The following ATXN7L1 variants were observed in gnomAD, a reference collection of about 807,000 sequenced individuals.
The protein encoded by ATXN7L1 is ataxin 7 like 1, also known as ataxin-7-like protein 1.
In ATXN7L1, 15 loss-of-function variants were observed where a neutral mutation model predicts 70.8. That is an observed-to-expected ratio of 0.21 (90% confidence interval 0.14 to 0.33). ATXN7L1 has a LOEUF of 0.33. Ranked by LOEUF, ATXN7L1 falls within the 10% of genes least tolerant of loss-of-function variation. The probability of loss-of-function intolerance (pLI) is 1.00; values close to 1 mark genes in which losing one functional copy is unlikely to be tolerated. For missense variants in ATXN7L1, 975 were observed against 1,097.1 expected (o/e 0.89, Z 1.57); for synonymous variants, 440 against 445.1 (o/e 0.99, Z 0.14).
chr7:105,746,293 C>T (rs1798582281), intron 3 of ATXN7L1, among the ~76,000 whole-genome samples: 1 of 152,206 alleles, frequency 6.6e-6, no homozygotes, highest in Non-Finnish European at 1.5e-5. Flanking sequence ...CTCTCTGGCT[C>T]AGAACCATCC....
chr7:105,735,632 G>A (rs35347266), intron 3 of ATXN7L1, among the ~76,000 whole-genome samples: 8,789 of 152,180 alleles, frequency 0.058, 305 homozygotes, highest in Admixed American at 0.068. Context: ...TTAATATCCC[G>A]TTAATCCTGT....
intron 2 of ATXN7L1, among the ~76,000 whole-genome samples, chr7:105,833,813 A>G (rs1472181702): frequency 6.6e-6 from 1 of 152,214 alleles, no homozygotes; most frequent in Admixed American, 6.5e-5. Flanking sequence ...TGGATGAAGA[A>G]GAGGGGGTAT....
At chr7:105,706,244 A>G (rs1209435667) in intron 3 of ATXN7L1, among the ~76,000 whole-genome samples, 3 of 150,522 alleles carry the variant, frequency 2.0e-5, no homozygotes, top group Non-Finnish European at 3.0e-5. Context: ...CCCAGGCTGG[A>G]GTGCAGTGGC....
intron 2 of ATXN7L1, among the ~76,000 whole-genome samples, chr7:105,821,809 G>A (rs1810206197): frequency 2.0e-5 from 3 of 152,258 alleles, no homozygotes. Flanking sequence ...GCGCAGTACA[G>A]TTAACTGTGA....
At chr7:105,755,089 TCTTC>T (rs1267775593) in intron 3 of ATXN7L1, among the ~76,000 whole-genome samples, 1 of 152,206 alleles carries the variant, frequency 6.6e-6, no homozygotes, top group Non-Finnish European at 1.5e-5. Context: ...CTTTTTTGGG[TCTTC>T]CTTCCTGTGC....
intron 3 of ATXN7L1, among the ~76,000 whole-genome samples, chr7:105,721,198 C>G (rs1184063330): frequency 6.6e-6 from 1 of 152,124 alleles, no homozygotes; most frequent in African/African-American, 2.4e-5. Context: ...TCAGCTGGCA[C>G]AGGAGAGAGG....
intron 7 of ATXN7L1, among the ~76,000 whole-genome samples, chr7:105,635,699 G>A (rs2115880948): frequency 6.6e-6 from 1 of 152,244 alleles, no homozygotes; most frequent in South Asian, 2.1e-4. Flanking sequence ...ACAAGAATGG[G>A]TTGCAATGTA....
intron 10 of ATXN7L1, among the ~76,000 whole-genome samples, chr7:105,612,025 C>T (rs1793202511): frequency 1.3e-5 from 2 of 152,210 alleles, no homozygotes; most frequent in Admixed American, 6.5e-5. Context: ...GAGTACTTGG[C>T]TGCTCCTTTC....
At chr7:105,771,177 G>A (rs900855510) in intron 3 of ATXN7L1, among the ~76,000 whole-genome samples, 1 of 148,502 alleles carries the variant, frequency 6.7e-6, no homozygotes, top group African/African-American at 2.5e-5. Context: ...TCCAGCCTGG[G>A]CGACAGAGCA....
At chr7:105,847,295 G>C (rs188806028) in intron 2 of ATXN7L1, among the ~76,000 whole-genome samples, 1 of 152,136 alleles carries the variant, frequency 6.6e-6, no homozygotes, top group African/African-American at 2.4e-5. Flanking sequence ...TTGGCCACTA[G>C]ATTAAGGACT....
At chr7:105,648,977 T>C (rs975065907) in intron 4 of ATXN7L1, among the ~76,000 whole-genome samples, 1 of 143,982 alleles carries the variant, frequency 6.9e-6, no homozygotes, top group Non-Finnish European at 1.5e-5. Flanking sequence ...AATAGCCTGA[T>C]GGGTGACTCA....
intron 8 of ATXN7L1, among the ~76,000 whole-genome samples, chr7:105,623,571 GCT>G (rs1795241657): frequency 6.6e-6 from 1 of 152,130 alleles, no homozygotes; most frequent in Admixed American, 6.5e-5. Flanking sequence ...ACACACACAC[GCT>G]CAGTTCTGGT....
At chr7:105,721,911 A>G (rs1170153259) in intron 3 of ATXN7L1, among the ~76,000 whole-genome samples, 5 of 152,238 alleles carry the variant, frequency 3.3e-5, no homozygotes, top group Non-Finnish European at 4.4e-5. Context: ...TTGAAATACA[A>G]TGGGGTCTTC....
chr7:105,705,016 T>G (rs925459378), intron 3 of ATXN7L1, among the ~76,000 whole-genome samples: 3 of 151,570 alleles, frequency 2.0e-5, no homozygotes, highest in Non-Finnish European at 4.4e-5. Context: ...ATTTTTTATT[T>G]TATTTATTTA....
intron 5 of ATXN7L1, 91 bp from the exon 6 acceptor site, chr7:105,639,660 G>A: frequency 1.2e-6 from 1 of 868,178 alleles, no homozygotes; most frequent in Non-Finnish European, 1.8e-6. Context: ...ATGCACATTT[G>A]CACCAACAAG....
chr7:105,635,247 G>T (rs1212585692), intron 7 of ATXN7L1, among the ~76,000 whole-genome samples: 1 of 152,174 alleles, frequency 6.6e-6, no homozygotes, highest in African/African-American at 2.4e-5. Flanking sequence ...GTTTGGCTGG[G>T]CTAGTCATCC....
intron 2 of ATXN7L1, among the ~76,000 whole-genome samples, chr7:105,831,613 T>C (rs1435991547): frequency 2.0e-5 from 3 of 152,176 alleles, no homozygotes; most frequent in Non-Finnish European, 4.4e-5. Context: ...TAAATTTAAT[T>C]TTAAAAAGCG....
At chr7:105,873,135 C>T (rs964487027) in intron 2 of ATXN7L1, among the ~76,000 whole-genome samples, 1 of 149,646 alleles carries the variant, frequency 6.7e-6, no homozygotes, top group Non-Finnish European at 1.5e-5. Flanking sequence ...GCCTGGGCGG[C>T]AGAGCAAGAC....
chr7:105,616,756 TG>T (rs987192287), intron 9 of ATXN7L1, among the ~76,000 whole-genome samples: 1 of 152,210 alleles, frequency 6.6e-6, no homozygotes, highest in African/African-American at 2.4e-5. Context: ...TAGAACTGTC[TG>T]GCCCTGCACA....
Sources: gnomAD v4.1 joint callset for allele counts (sites outside exome capture counted in the v4.1 genomes callset) on GRCh38, gnomAD v4.1.1 for gene constraint, MANE v1.5 for transcripts, NCBI Gene and HGNC (gene_info 2026-07-23, HGNC 2026-07-21) for gene names.